DOCK1: variants seen among roughly 807,000 people sequenced by gnomAD.
The protein encoded by DOCK1 is dedicator of cytokinesis 1, also known as dedicator of cytokinesis protein 1.
Under a neutral mutation model 262.7 loss-of-function variants are expected in DOCK1, and 138 were observed. The ratio of observed to expected loss-of-function variants is 0.53; its 90% CI spans 0.46 to 0.61. DOCK1 has a LOEUF of 0.61. Ranked by LOEUF, DOCK1 falls within the 20% of genes least tolerant of loss-of-function variation. The pLI is 0.00. For synonymous variants in DOCK1, 866 were observed against 867.4 expected (o/e 1.00, Z 0.03); for missense variants, 1,908 against 2,370.7 (o/e 0.80, Z 4.05).
chr10:127,265,929 T>C (rs7895120), intron 29 of DOCK1, among the ~76,000 whole-genome samples: 122,877 of 152,260 alleles, frequency 0.81, 50,233 homozygotes, highest in South Asian at 0.86. Flanking sequence ...AGGCTGTTTG[T>C]AGGTACTTTG....
chr10:127,424,799 G>T (rs1189182948), intron 46 of DOCK1, among the ~76,000 whole-genome samples: 1 of 152,202 alleles, frequency 6.6e-6, no homozygotes, highest in African/African-American at 2.4e-5. Context: ...GGCCTGACAT[G>T]TGCCTAGGGT....
intron 27 of DOCK1, among the ~76,000 whole-genome samples, chr10:127,214,475 C>A (rs1405126258): frequency 1.3e-5 from 2 of 152,210 alleles, no homozygotes; most frequent in African/African-American, 4.8e-5. Context: ...GCTTTCAGCA[C>A]TGTGGTTTTG....
intron 51 of DOCK1, among the ~76,000 whole-genome samples, chr10:127,449,164 C>G (rs1470276106): frequency 6.6e-6 from 1 of 152,170 alleles, no homozygotes; most frequent in African/African-American, 2.4e-5. Context: ...TTTGTTGCAC[C>G]ACAGAAATGG....
intron 29 of DOCK1, among the ~76,000 whole-genome samples, chr10:127,333,336 T>C (rs999681178): frequency 1.3e-5 from 2 of 152,288 alleles, no homozygotes; most frequent in East Asian, 3.9e-4. Context: ...TCTCCCTCTG[T>C]AGTAATGAGG....
intron 1 of DOCK1, among the ~76,000 whole-genome samples, chr10:126,947,149 G>A (rs879218642): frequency 0.29 from 44,754 of 152,140 alleles, 6,961 homozygotes; most frequent in Non-Finnish European, 0.35. Context: ...GGGTTGATAT[G>A]GGATGATGTG....
At chr10:127,293,619 C>T (rs1337614833) in intron 29 of DOCK1, among the ~76,000 whole-genome samples, 2 of 152,190 alleles carry the variant, frequency 1.3e-5, no homozygotes, top group Non-Finnish European at 2.9e-5. Context: ...TCATCCTCTT[C>T]CACCTGCTGT....
At chr10:127,048,369 A>G (rs957657832) in intron 21 of DOCK1, among the ~76,000 whole-genome samples, 1 of 151,768 alleles carries the variant, frequency 6.6e-6, no homozygotes, top group Non-Finnish European at 1.5e-5. Flanking sequence ...TGTTTATGGT[A>G]TGTGTGTGTA....
intron 23 of DOCK1, among the ~76,000 whole-genome samples, chr10:127,095,219 C>T (rs145839443): frequency 3.9e-5 from 6 of 152,260 alleles, no homozygotes; most frequent in Non-Finnish European, 5.9e-5. Flanking sequence ...CTCTTTTTCA[C>T]GCCTCGTGCT....
chr10:127,055,160 T>C (rs1173842347), intron 22 of DOCK1, among the ~76,000 whole-genome samples: 1 of 152,110 alleles, frequency 6.6e-6, no homozygotes, highest in East Asian at 1.9e-4. Flanking sequence ...CATATGGGGT[T>C]CACTTTTTTT....
chr10:127,277,688 GGGACGCAGA>G (rs1167386274), intron 29 of DOCK1, among the ~76,000 whole-genome samples: 1 of 152,134 alleles, frequency 6.6e-6, no homozygotes, highest in Non-Finnish European at 1.5e-5. Flanking sequence ...GCTTGAACCT[GGGACGCAGA>G]GGTTGCAGTA....
intron 1 of DOCK1, among the ~76,000 whole-genome samples, chr10:126,917,555 A>G (rs10901740): frequency 0.086 from 12,994 of 150,868 alleles, 750 homozygotes; most frequent in East Asian, 0.15. Context: ...TGCAATTCCC[A>G]CTCCCCTGCC....
At chr10:126,924,758 C>G (rs1056672703) in intron 1 of DOCK1, among the ~76,000 whole-genome samples, 1 of 152,204 alleles carries the variant, frequency 6.6e-6, no homozygotes, top group Admixed American at 6.5e-5. Context: ...CACAGTTTCC[C>G]TCTTTGATCT....
chr10:127,323,650 A>G (rs1156542463), intron 29 of DOCK1, among the ~76,000 whole-genome samples: 1 of 152,156 alleles, frequency 6.6e-6, no homozygotes, highest in African/African-American at 2.4e-5. Flanking sequence ...AGGCAGTCAC[A>G]TGCCTGCTTC....
chr10:127,312,565 G>A (rs1426041793), intron 29 of DOCK1, among the ~76,000 whole-genome samples: 1 of 152,080 alleles, frequency 6.6e-6, no homozygotes, highest in Non-Finnish European at 1.5e-5. Flanking sequence ...GGTGTGCACT[G>A]GGCCAAGGGT....
intron 40 of DOCK1, among the ~76,000 whole-genome samples, chr10:127,407,809 C>T (rs2067603536): frequency 6.6e-6 from 1 of 152,038 alleles, no homozygotes; most frequent in Admixed American, 6.5e-5. Context: ...CCTCAGCAAC[C>T]ACGCCCCGTC....
Position 126,917,284 on chromosome 10 carries a change from G to T in DOCK1, c.46+11721G>T, listed in dbSNP as rs868123622. On this transcript the variant is annotated intron_variant, in intron 1 of 51. Coordinates refer to ENST00000623213, the MANE Select transcript of DOCK1 (RefSeq NM_001290223.2). ...TAAATGAATTACAGAAATCTCTTTG[G>T]GTTTGGGAACTTTGTGGGTATTTCG... Among the ~76,000 whole-genome samples, 57 of 152,312 alleles carry T rather than the reference G, an allele frequency of 3.7e-4. No homozygotes were observed. In the Middle Eastern group the frequency reaches 0.01, roughly 27 times the overall value.
intron 6 of DOCK1, among the ~76,000 whole-genome samples, chr10:126,991,858 G>A (rs1353856294): frequency 7.2e-5 from 11 of 152,084 alleles, no homozygotes; most frequent in Admixed American, 1.3e-4. Flanking sequence ...AATAGAGTTG[G>A]GTTGTGCTGG....
At chr10:126,925,168 A>G (rs1281033812) in intron 1 of DOCK1, among the ~76,000 whole-genome samples, 1 of 152,190 alleles carries the variant, frequency 6.6e-6, no homozygotes, top group African/African-American at 2.4e-5. Flanking sequence ...TTCAGTTTTT[A>G]TTAGTATTTC....
intron 32 of DOCK1, among the ~76,000 whole-genome samples, chr10:127,358,848 C>A (rs1249028943): frequency 1.3e-5 from 2 of 152,126 alleles, no homozygotes; most frequent in African/African-American, 4.8e-5. Context: ...AATTTAAACA[C>A]CCACAGGGAG....
Sources: allele counts gnomAD v4.1 joint callset (sites outside exome capture counted in the v4.1 genomes callset), GRCh38; gene constraint gnomAD v4.1.1; transcripts MANE v1.5; gene names NCBI Gene and HGNC (gene_info 2026-07-23, HGNC 2026-07-21).